PSEN2: variants seen among roughly 807,000 people sequenced by gnomAD.
The protein encoded by PSEN2 is presenilin-2.
A neutral mutation model predicts 49.1 loss-of-function variants in PSEN2; 32 were observed. That is an observed-to-expected ratio of 0.65 (90% confidence interval 0.49 to 0.88). The LOEUF is 0.88. Among genes scored for constraint, PSEN2 ranks in the 40% least tolerant of loss-of-function variants. The probability of loss-of-function intolerance (pLI) is 0.00; values close to 1 mark genes in which losing one functional copy is unlikely to be tolerated. For synonymous variants in PSEN2, 255 were observed against 244.0 expected (o/e 1.05, Z -0.42); for missense variants, 522 against 586.9 (o/e 0.89, Z 1.14).
At chr1:226,891,641 G>T in intron 10 of PSEN2, 102 bp from the exon 11 acceptor site, 1 of 1,132,428 alleles carries the variant, frequency 8.8e-7, no homozygotes, top group Non-Finnish European at 1.3e-6. Context: ...ACCCCTTCTT[G>T]GAGCTTTGTT....
chr1:226,880,617 C>CGATCACTCAGCCTCTGGACAG, intron 3 of PSEN2: 1 of 1,607,844 alleles, frequency 6.2e-7, no homozygotes, highest in Non-Finnish European at 8.5e-7. Context: ...CTCTGGACAG[C>CGATCACTCAGCCTCTGGACAG]GATAACTCAG....
At position 226,888,176 on chromosome 1, in the gene PSEN2, A is replaced by G; in HGVS notation, c.566+18A>G. 1.2e-6 allele frequency: 2 copies of G among 1,601,604 alleles called. No individual in the cohort carries two copies. Among genetic ancestry groups the G allele is most frequent in the Non-Finnish European group, 8.6e-7 (1 of 1,168,636 alleles). On this transcript the variant is annotated intron_variant, in intron 7 of 12. Transcript: ENST00000366783. Reference sequence around the variant, plus strand: ...TACCTTGGGTAAGTGACAGATAAGCAGCAGGGTCCCTGGGAGCCCCTCTCC... The same window carrying G: ...TACCTTGGGTAAGTGACAGATAAGCGGCAGGGTCCCTGGGAGCCCCTCTCC...
chr1:226,889,423 T>C (rs979461610), intron 8 of PSEN2, among the ~76,000 whole-genome samples: 1 of 152,148 alleles, frequency 6.6e-6, no homozygotes, highest in Non-Finnish European at 1.5e-5. Context: ...ATTATAGGCA[T>C]GTGCCACCAC....
Position 226,895,759 on chromosome 1 carries a change from G to A in PSEN2, c.*180G>A. 3 of 748,266 alleles carry A rather than the reference G, an allele frequency of 4.0e-6. No individual in the cohort carries two copies. The highest frequency in any genetic ancestry group is 6.4e-6 in the Non-Finnish European group (3 of 467,306). 46.4% of individuals were successfully genotyped at this position (748,266 alleles called of 1,614,324 possible). On this transcript the variant is annotated 3_prime_UTR_variant, in exon 13 of 13. Transcript: ENST00000366783. ...TTTGGTGCCAGCTGTTTCATCACCAGACTTTGGCTCCCGCTTTGGGGAGCG... is the reference window on the plus strand; with the variant it reads ...TTTGGTGCCAGCTGTTTCATCACCAAACTTTGGCTCCCGCTTTGGGGAGCG...
intron 5 of PSEN2, chr1:226,884,706 G>C (rs1042135527): frequency 6.6e-6 from 1 of 151,956 alleles, no homozygotes; most frequent in Non-Finnish European, 1.5e-5. Context: ...TTGAGCCCAG[G>C]AGTTTGAGAC....
chr1:226,881,876 T>C lies in PSEN2; in HGVS notation c.-20-12T>C. On this transcript the variant is annotated splice_polypyrimidine_tract_variant and intron_variant, in intron 3 of 12. Transcript: ENST00000366783. The stretch of plus-strand genomic sequence containing the variant: ...GGAAAGTGGAACAAGGTCCTTGTGC[T>C]CCTTTTTCCAGGTGCTTCCAGAGGC... 6.2e-7 allele frequency: 1 copy of C among 1,614,226 alleles called. No individual in the cohort carries two copies. The highest frequency in any genetic ancestry group is 8.5e-7 in the Non-Finnish European group (1 of 1,180,036).
chr1:226,873,084 G>C (rs906746000), intron 2 of PSEN2, among the ~76,000 whole-genome samples: 4 of 152,072 alleles, frequency 2.6e-5, no homozygotes, highest in Non-Finnish European at 4.4e-5. Flanking sequence ...GGCTGAGGCA[G>C]GAGAATCGCT....
chr1:226,884,179 A>G (rs1450633514), intron 5 of PSEN2, among the ~76,000 whole-genome samples: 1 of 152,202 alleles, frequency 6.6e-6, no homozygotes, highest in Non-Finnish European at 1.5e-5. Flanking sequence ...TGGGAGAATT[A>G]AGTGAGTTAA....
intron 12 of PSEN2, among the ~76,000 whole-genome samples, chr1:226,894,986 C>T (rs971769147): frequency 2.6e-5 from 4 of 152,358 alleles, no homozygotes; most frequent in Admixed American, 2.6e-4. Context: ...GCAGCCCCCA[C>T]ACCTGCTTCC....
chr1:226,877,040 A>G (rs1558139136), intron 3 of PSEN2, among the ~76,000 whole-genome samples: 1 of 152,056 alleles, frequency 6.6e-6, no homozygotes, highest in Non-Finnish European at 1.5e-5. Context: ...GAAAGTGTTC[A>G]TTGTCTCACT....
downstream of PSEN2, among the ~76,000 whole-genome samples, chr1:226,900,889 C>T (rs1016698693): frequency 3.3e-5 from 5 of 152,106 alleles, no homozygotes; most frequent in East Asian, 3.8e-4. Context: ...GTGCTAGGCT[C>T]GCACTAAATG....
intron 2 of PSEN2, among the ~76,000 whole-genome samples, chr1:226,873,698 A>G (rs953451618): frequency 8.5e-5 from 13 of 152,198 alleles, no homozygotes; most frequent in Non-Finnish European, 1.0e-4. Context: ...TTACAAGCAT[A>G]AGCCATTGCG....
In PSEN2 at chr1:226,881,904, G is replaced by T. The variant is rs769574014; in HGVS notation, c.-4G>T. 1.2e-6 allele frequency: 2 copies of T among 1,614,178 alleles called. No homozygotes were observed. Among genetic ancestry groups the T allele is most frequent in the South Asian group, 2.2e-5 (2 of 91,088 alleles). The stretch of plus-strand genomic sequence containing the variant: ...TTTTTCCAGGTGCTTCCAGAGGCAG[G>T]GCTATGCTCACATTCATGGCCTCTG... On this transcript the variant is annotated 5_prime_UTR_variant, in exon 4 of 13. Coordinates refer to ENST00000366783, the MANE Select transcript of PSEN2 (RefSeq NM_000447.3).
chr1:226,896,415 A>G (rs1662151147), downstream of PSEN2, among the ~76,000 whole-genome samples: 1 of 152,176 alleles, frequency 6.6e-6, no homozygotes, highest in Non-Finnish European at 1.5e-5. Context: ...TCCTTCAGCA[A>G]GTGTTCACCC....
chr1:226,871,727 C>A (rs571669587), intron 2 of PSEN2, among the ~76,000 whole-genome samples: 1 of 152,358 alleles, frequency 6.6e-6, no homozygotes, highest in Admixed American at 6.5e-5. Context: ...TCTGCAGACA[C>A]CTGAGCCTCC....
chr1:226,883,629 T>A lies in PSEN2; in HGVS notation c.142-76T>A, dbSNP rs1471404189. 6.5e-6 allele frequency: 9 copies of A among 1,383,514 alleles called. No homozygotes were observed. In the East Asian group the frequency reaches 2.2e-4, roughly 34 times the overall value. 85.7% of individuals were successfully genotyped at this position (1,383,514 alleles called of 1,614,324 possible). A position where few individuals can be genotyped will look rare whatever the true frequency, so the allele number is the denominator to read the frequency against. On this transcript the variant is annotated intron_variant, in intron 4 of 12. Transcript: ENST00000366783. ...AACATTCAAACTTCTCATTTCTGGTTCCAAAAATCCGTGCATTACATGGAT... is the reference window on the plus strand; with the variant it reads ...AACATTCAAACTTCTCATTTCTGGTACCAAAAATCCGTGCATTACATGGAT...
At chr1:226,874,168 G>C (rs1660480597) in intron 2 of PSEN2, among the ~76,000 whole-genome samples, 1 of 152,206 alleles carries the variant, frequency 6.6e-6, no homozygotes, top group Non-Finnish European at 1.5e-5. Flanking sequence ...GTGAAGGCAT[G>C]TGTCTTGTGA....
intron 6 of PSEN2, among the ~76,000 whole-genome samples, chr1:226,886,422 C>T (rs2102679064): frequency 6.6e-6 from 1 of 152,228 alleles, no homozygotes; most frequent in South Asian, 2.1e-4. Flanking sequence ...CCTATAGCTG[C>T]CGAGTAGCCC....
chr1:226,872,207 C>T (rs1227670590), intron 2 of PSEN2, among the ~76,000 whole-genome samples: 1 of 152,178 alleles, frequency 6.6e-6, no homozygotes, highest in Non-Finnish European at 1.5e-5. Flanking sequence ...AGCTGCTCAC[C>T]GTCCCCCCAA....
Sources: gnomAD v4.1 joint callset for allele counts (sites outside exome capture counted in the v4.1 genomes callset) on GRCh38, gnomAD v4.1.1 for gene constraint, MANE v1.5 for transcripts, NCBI Gene and HGNC (gene_info 2026-07-23, HGNC 2026-07-21) for gene names.